CA10: variants seen among roughly 807,000 people sequenced by gnomAD.
CA10 encodes the protein carbonic anhydrase-related protein 10.
In CA10, 14 loss-of-function variants were observed where a neutral mutation model predicts 44.2. The ratio of observed to expected loss-of-function variants is 0.32; its 90% CI spans 0.21 to 0.50. CA10 has a LOEUF of 0.50. Ranked by LOEUF, CA10 falls within the 20% of genes least tolerant of loss-of-function variation. The pLI is 0.99. For missense variants in CA10, 350 were observed against 409.7 expected (o/e 0.85, Z 1.26); for synonymous variants, 159 against 141.6 (o/e 1.12, Z -0.87).
intron 3 of CA10, among the ~76,000 whole-genome samples, chr17:51,775,861 AC>A (rs1905798372): frequency 6.6e-6 from 1 of 152,160 alleles, no homozygotes; most frequent in Non-Finnish European, 1.5e-5. Flanking sequence ...TTCACGTGGT[AC>A]TTGGGAACCT....
intron 2 of CA10, among the ~76,000 whole-genome samples, chr17:52,056,247 G>A (rs1226568767): frequency 1.3e-5 from 2 of 152,086 alleles, no homozygotes; most frequent in African/African-American, 4.8e-5. Context: ...AGGCGACAAG[G>A]GCATTTGGCA....
chr17:51,637,678 A>G (rs578123865), intron 6 of CA10, among the ~76,000 whole-genome samples: 15 of 152,362 alleles, frequency 9.8e-5, no homozygotes, highest in Non-Finnish European at 2.1e-4. Context: ...ACTCAATAAA[A>G]TGAGTCAGGC....
intron 3 of CA10, among the ~76,000 whole-genome samples, chr17:51,755,992 C>T (rs1178680779): frequency 2.0e-5 from 3 of 151,992 alleles, no homozygotes; most frequent in Non-Finnish European, 4.4e-5. Context: ...GGCACCTGGG[C>T]CCTGTTCACT....
At chr17:52,031,571 A>G (rs895692785) in intron 2 of CA10, among the ~76,000 whole-genome samples, 10 of 152,206 alleles carry the variant, frequency 6.6e-5, no homozygotes, top group African/African-American at 1.9e-4. Flanking sequence ...TATAATAGGA[A>G]TAACATGGGA....
intron 4 of CA10, among the ~76,000 whole-genome samples, chr17:51,693,460 C>T (rs961019373): frequency 6.6e-6 from 1 of 152,102 alleles, no homozygotes; most frequent in Admixed American, 6.5e-5. Flanking sequence ...GAGCATAGCA[C>T]CCAATAGTTT....
At chr17:52,056,835 G>C (rs1243768041) in intron 2 of CA10, among the ~76,000 whole-genome samples, 1 of 152,066 alleles carries the variant, frequency 6.6e-6, no homozygotes, top group African/African-American at 2.4e-5. Context: ...CTGATTTCAA[G>C]TACAAATAAA....
chr17:51,750,131 T>C (rs1444278857), intron 3 of CA10, among the ~76,000 whole-genome samples: 3 of 152,200 alleles, frequency 2.0e-5, no homozygotes, highest in Non-Finnish European at 4.4e-5. Context: ...TCTCTAAATA[T>C]AACCTATTTT....
At position 51,821,123 on chromosome 17, in the gene CA10, TTCCCTCCC is replaced by T. The variant is rs928344432; in HGVS notation, c.280-73313_280-73306del. Among the ~76,000 whole-genome samples the T allele has an allele frequency of 3.8e-5, 4 of 105,612 alleles. No homozygotes were observed. In the Admixed American group the frequency reaches 4.1e-4, roughly 11 times the overall value. 69.3% of individuals were successfully genotyped at this position (105,612 alleles called of 152,430 possible). A position where few individuals can be genotyped will look rare whatever the true frequency, so the allele number is the denominator to read the frequency against. On this transcript the variant is annotated intron_variant, in intron 3 of 8. Transcript: ENST00000451037. The stretch of plus-strand genomic sequence containing the variant: ...TTCCTTCCTTCCTTTCCTTCCTCCC[TTCCCTCCC>T]TCCCTCCCTCCCAATATTTATTGTG...
intron 2 of CA10, among the ~76,000 whole-genome samples, chr17:51,949,537 G>A (rs137964441): frequency 2.6e-5 from 4 of 152,110 alleles, no homozygotes; most frequent in Admixed American, 6.6e-5. Flanking sequence ...TTTCCACTTA[G>A]AGCTGTGTGG....
chr17:51,916,854 C>A (rs956892088), intron 3 of CA10, among the ~76,000 whole-genome samples: 1 of 152,124 alleles, frequency 6.6e-6, no homozygotes, highest in Non-Finnish European at 1.5e-5. Flanking sequence ...AGGGCACAGG[C>A]AGTTCCGTTG....
intron 3 of CA10, among the ~76,000 whole-genome samples, chr17:51,773,708 A>G (rs1905699340): frequency 6.6e-6 from 1 of 152,244 alleles, no homozygotes; most frequent in Non-Finnish European, 1.5e-5. Flanking sequence ...TGGATGCATA[A>G]TACAACTTCG....
intron 3 of CA10, among the ~76,000 whole-genome samples, chr17:51,788,606 C>T (rs1490260682): frequency 2.0e-5 from 3 of 152,168 alleles, no homozygotes; most frequent in Non-Finnish European, 4.4e-5. Flanking sequence ...TAAATACGTG[C>T]AATTATTATG....
At chr17:51,902,282 AT>A (rs1981350148) in intron 3 of CA10, among the ~76,000 whole-genome samples, 1 of 152,176 alleles carries the variant, frequency 6.6e-6, no homozygotes, top group Non-Finnish European at 1.5e-5. Flanking sequence ...CCATAGCAGA[AT>A]TCAGCAAAAG....
At chr17:52,148,177 G>A (rs1330686584) in intron 1 of CA10, among the ~76,000 whole-genome samples, 2 of 152,140 alleles carry the variant, frequency 1.3e-5, no homozygotes, top group African/African-American at 4.8e-5. Context: ...TAAAAAGTGG[G>A]GTAGGCTATT....
At chr17:51,822,461 A>G (rs1285830397) in intron 3 of CA10, among the ~76,000 whole-genome samples, 1 of 152,038 alleles carries the variant, frequency 6.6e-6, no homozygotes, top group Non-Finnish European at 1.5e-5. Flanking sequence ...AACAAACAAA[A>G]AACAAAAAAA....
At chr17:51,808,860 A>G (rs1907243370) in intron 3 of CA10, among the ~76,000 whole-genome samples, 1 of 152,178 alleles carries the variant, frequency 6.6e-6, no homozygotes, top group African/African-American at 2.4e-5. Context: ...GTATTTCCCA[A>G]ATTTACTTTA....
chr17:52,093,996 G>A (rs1297891864), intron 1 of CA10, among the ~76,000 whole-genome samples: 1 of 152,084 alleles, frequency 6.6e-6, no homozygotes, highest in Non-Finnish European at 1.5e-5. Flanking sequence ...CCTTTGCAGG[G>A]ACATGGATGA....
chr17:51,819,741 C>T (rs1434148617), intron 3 of CA10, among the ~76,000 whole-genome samples: 1 of 152,226 alleles, frequency 6.6e-6, no homozygotes, highest in Non-Finnish European at 1.5e-5. Flanking sequence ...CCAGCTGGGC[C>T]AGAGCCTAGA....
At chr17:51,783,614 A>G (rs1906142084) in intron 3 of CA10, among the ~76,000 whole-genome samples, 1 of 152,210 alleles carries the variant, frequency 6.6e-6, no homozygotes, top group Admixed American at 6.5e-5. Context: ...GGAAAAAAAG[A>G]ACTGAAAAGA....
Sources: allele counts gnomAD v4.1 joint callset (sites outside exome capture counted in the v4.1 genomes callset), GRCh38; gene constraint gnomAD v4.1.1; transcripts MANE v1.5; gene names NCBI Gene and HGNC (gene_info 2026-07-23, HGNC 2026-07-21).